Variants in NALF1 observed in about 807,000 individuals in gnomAD.
The protein encoded by NALF1 is NALCN channel auxiliary factor 1, also known as family with sequence similarity 155 member A.
Under a neutral mutation model 48.4 loss-of-function variants are expected in NALF1, and 3 were observed. That is an observed-to-expected ratio of 0.06 (90% confidence interval 0.03 to 0.16). NALF1 has a LOEUF of 0.16. NALF1 is among the 10% of genes least tolerant of loss of function. NALF1 has a pLI of 1.00. For synonymous variants in NALF1, 262 were observed against 245.7 expected (o/e 1.07, Z -0.62); for missense variants, 526 against 571.5 (o/e 0.92, Z 0.81).
rs1410367842 is a variant in NALF1 at position 107,867,038 on chromosome 13, C to A, written c.-442G>T. ...CAGGCATTGTCAGCGCGCGGGTCCCCATGGCCCCGCGGAGCCCAGCCCGCT... is the reference window on the plus strand; with the variant it reads ...CAGGCATTGTCAGCGCGCGGGTCCCAATGGCCCCGCGGAGCCCAGCCCGCT... On this transcript the variant is annotated 5_prime_UTR_variant, in exon 1 of 3. An upstream start codon of the reference 5' UTR is lost. Coordinates refer to ENST00000375915, the MANE Select transcript of NALF1 (RefSeq NM_001080396.3). The surrounding 1 kb of genome is among the most constrained non-coding windows in gnomAD (Gnocchi z 4.4). 6.6e-6 allele frequency among the ~76,000 whole-genome samples: 1 copy of A among 151,776 alleles called. No individual in the cohort carries two copies. Among genetic ancestry groups the A allele is most frequent in the African/African-American group, 2.4e-5 (1 of 41,344 alleles).
intron 1 of NALF1, among the ~76,000 whole-genome samples, chr13:107,822,984 A>G (rs1169413822): frequency 6.6e-6 from 1 of 152,210 alleles, no homozygotes; most frequent in Non-Finnish European, 1.5e-5. Context: ...GCCATAAAAA[A>G]TAATCGGGTA....
intron 1 of NALF1, among the ~76,000 whole-genome samples, chr13:107,618,143 C>T (rs1879430108): frequency 6.6e-6 from 1 of 151,192 alleles, no homozygotes; most frequent in Admixed American, 6.6e-5. Context: ...AAAATAAGGT[C>T]GAAAGTAAGA....
intron 1 of NALF1, among the ~76,000 whole-genome samples, chr13:107,860,716 T>C (rs752821880): frequency 6.6e-6 from 1 of 152,152 alleles, no homozygotes; most frequent in Non-Finnish European, 1.5e-5. Flanking sequence ...AATTGAGAAA[T>C]AAAATTAAAG....
intron 1 of NALF1, among the ~76,000 whole-genome samples, chr13:107,424,231 A>G (rs939846068): frequency 6.6e-6 from 1 of 152,130 alleles, no homozygotes; most frequent in Non-Finnish European, 1.5e-5. Flanking sequence ...TCCACCTCCC[A>G]GGCTTAAGCC....
At chr13:107,174,493 C>T (rs532988480) in intron 2 of NALF1, among the ~76,000 whole-genome samples, 11 of 151,866 alleles carry the variant, frequency 7.2e-5, no homozygotes, top group African/African-American at 2.4e-4. Flanking sequence ...GTAGCTGGAA[C>T]TACAGGCTCC....
intron 1 of NALF1, among the ~76,000 whole-genome samples, chr13:107,672,362 A>T (rs892552678): frequency 6.6e-6 from 1 of 152,220 alleles, no homozygotes; most frequent in Non-Finnish European, 1.5e-5. Flanking sequence ...GTATTGTCTT[A>T]GAATGCTGCG....
intron 1 of NALF1, among the ~76,000 whole-genome samples, chr13:107,410,947 A>C (rs1394523373): frequency 6.6e-6 from 1 of 152,194 alleles, no homozygotes; most frequent in Non-Finnish European, 1.5e-5. Context: ...TCAGATTTTC[A>C]ATAATAGTAA....
chr13:107,537,684 A>C (rs1009231575), intron 1 of NALF1, among the ~76,000 whole-genome samples: 1 of 152,118 alleles, frequency 6.6e-6, no homozygotes, highest in Non-Finnish European at 1.5e-5. Flanking sequence ...AGTGGCACTG[A>C]GTGTGGCAAT....
chr13:107,464,937 T>C (rs1256733804), intron 1 of NALF1, among the ~76,000 whole-genome samples: 2 of 152,212 alleles, frequency 1.3e-5, no homozygotes, highest in Non-Finnish European at 2.9e-5. Flanking sequence ...TTACCTAATC[T>C]GATCTCTATT....
chr13:107,389,227 A>G (rs1883580262), intron 1 of NALF1, among the ~76,000 whole-genome samples: 2 of 152,192 alleles, frequency 1.3e-5, no homozygotes, highest in South Asian at 4.1e-4. Flanking sequence ...TACTTACCAC[A>G]TTGTAACACA....
chr13:107,633,220 A>G (rs1045435572), intron 1 of NALF1, among the ~76,000 whole-genome samples: 3 of 152,118 alleles, frequency 2.0e-5, no homozygotes, highest in Admixed American at 6.6e-5. Context: ...AAGTGTTTAA[A>G]GCTCTTCATG....
In NALF1 at chr13:107,164,787, G is replaced by A. The variant is rs988292723; in HGVS notation, c.*5710C>T. On this transcript the variant is annotated 3_prime_UTR_variant, in exon 3 of 3. Transcript: ENST00000375915. ...CAGTCTGCTAGCTTAAGGATGTGAGGTGTTGTTAAAAAAAAAATGTAATTA... is the reference window on the plus strand; with the variant it reads ...CAGTCTGCTAGCTTAAGGATGTGAGATGTTGTTAAAAAAAAAATGTAATTA... The A allele has an allele frequency of 4.0e-5, 6 of 148,710 alleles. No individual in the cohort carries two copies. Among genetic ancestry groups the A allele is most frequent in the African/African-American group, 1.6e-4 (6 of 38,338 alleles). 9.2% of individuals were successfully genotyped at this position (148,710 alleles called of 1,614,324 possible). A position where few individuals can be genotyped will look rare whatever the true frequency, so the allele number is the denominator to read the frequency against.
At chr13:107,671,455 T>C (rs764424121) in intron 1 of NALF1, among the ~76,000 whole-genome samples, 2 of 152,110 alleles carry the variant, frequency 1.3e-5, no homozygotes, top group Non-Finnish European at 2.9e-5. Context: ...CATAGTCTCT[T>C]ACACTGCATT....
At chr13:107,425,350 A>G (rs1884261763) in intron 1 of NALF1, among the ~76,000 whole-genome samples, 1 of 152,208 alleles carries the variant, frequency 6.6e-6, no homozygotes, top group South Asian at 2.1e-4. Flanking sequence ...TGTTTTCCCA[A>G]ATAGCATAAA....
chr13:107,708,359 C>T (rs1303291316), intron 1 of NALF1, among the ~76,000 whole-genome samples: 1 of 152,304 alleles, frequency 6.6e-6, no homozygotes, highest in East Asian at 1.9e-4. Flanking sequence ...TCCTGAAATG[C>T]TCTCCATTCC....
chr13:107,385,243 C>T (rs966400464), intron 1 of NALF1, among the ~76,000 whole-genome samples: 4 of 151,990 alleles, frequency 2.6e-5, no homozygotes, highest in African/African-American at 7.2e-5. Context: ...TAAATAAAAA[C>T]GTCTTCAATT....
At chr13:107,693,337 C>CGGGG (rs140909907) in intron 1 of NALF1, among the ~76,000 whole-genome samples, 2 of 128,752 alleles carry the variant, frequency 1.6e-5, no homozygotes, top group Non-Finnish European at 3.2e-5. Context: ...GTAGGGGGGG[C>CGGGG]GGGAGGGATA....
chr13:107,500,344 G>T (rs1376938698), intron 1 of NALF1, among the ~76,000 whole-genome samples: 1 of 152,108 alleles, frequency 6.6e-6, no homozygotes, highest in African/African-American at 2.4e-5. Flanking sequence ...TTAGAGTTTG[G>T]TCTCTGCTTT....
At chr13:107,183,858 G>C (rs1879117379) in intron 2 of NALF1, among the ~76,000 whole-genome samples, 1 of 152,158 alleles carries the variant, frequency 6.6e-6, no homozygotes, top group Admixed American at 6.5e-5. Flanking sequence ...AGGAGGGCTG[G>C]GGGAGGGATA....
Sources: allele counts gnomAD v4.1 joint callset (sites outside exome capture counted in the v4.1 genomes callset), GRCh38; gene constraint gnomAD v4.1.1; non-coding constraint Gnocchi (gnomAD v3.1); transcripts MANE v1.5; gene names NCBI Gene and HGNC (gene_info 2026-07-23, HGNC 2026-07-21).